Variants in PLCXD3 observed in about 807,000 individuals in gnomAD.
PLCXD3 encodes the protein PI-PLC X domain-containing protein 3.
In PLCXD3, 19 loss-of-function variants were observed where a neutral mutation model predicts 25.5. The observed-to-expected ratio is 0.75, with a 90% CI of 0.52 to 1.09. PLCXD3 has a LOEUF of 1.09. Ranked by LOEUF, PLCXD3 falls within the 50% of genes least tolerant of loss-of-function variation. PLCXD3 has a pLI of 0.00. For missense variants in PLCXD3, 411 were observed against 388.1 expected (o/e 1.06, Z -0.50); for synonymous variants, 174 against 137.6 (o/e 1.26, Z -1.85).
At chr5:41,315,486 G>A (rs1743264234) in intron 2 of PLCXD3, among the ~76,000 whole-genome samples, 3 of 151,818 alleles carry the variant, frequency 2.0e-5, no homozygotes, top group African/African-American at 7.2e-5. Context: ...TGAGCAAGAT[G>A]GTGGAACAGA....
At chr5:41,386,549 A>G (rs918587048) in intron 1 of PLCXD3, among the ~76,000 whole-genome samples, 3 of 152,198 alleles carry the variant, frequency 2.0e-5, no homozygotes, top group East Asian at 3.9e-4. Flanking sequence ...GTCACATTAT[A>G]TAGAAATGAG....
rs1452219101 is a variant in PLCXD3 at position 41,368,062 on chromosome 5, T to C, written c.812+13764A>G. On this transcript the variant is annotated intron_variant, in intron 2 of 2. Coordinates refer to ENST00000377801, the MANE Select transcript of PLCXD3 (RefSeq NM_001005473.3). ...AAATTGCTTTGGGCAGTATGGCCAT[T>C]TTCACAATTTTGATTCTTTATATCC... Among the ~76,000 whole-genome samples the C allele has an allele frequency of 3.9e-5, 6 of 152,190 alleles. No individual in the cohort carries two copies. In the East Asian group the frequency reaches 1.2e-3, roughly 29 times the overall value.
At chr5:41,386,348 G>A (rs929867967) in intron 1 of PLCXD3, among the ~76,000 whole-genome samples, 3 of 152,022 alleles carry the variant, frequency 2.0e-5, no homozygotes, top group African/African-American at 7.2e-5. Context: ...ATGGCACATA[G>A]CATCAATTTT....
At chr5:41,352,068 C>A (rs1744478533) in intron 2 of PLCXD3, among the ~76,000 whole-genome samples, 5 of 152,194 alleles carry the variant, frequency 3.3e-5, no homozygotes, top group Admixed American at 3.3e-4. Flanking sequence ...GCTAACAAGG[C>A]CAGACCTTAT....
intron 2 of PLCXD3, among the ~76,000 whole-genome samples, chr5:41,379,990 C>A (rs1015864673): frequency 3.9e-5 from 6 of 152,006 alleles, no homozygotes; most frequent in Non-Finnish European, 7.4e-5. Context: ...GGCTAATGGA[C>A]CATTCTGAGT....
rs1743069719 is a variant in PLCXD3 at position 41,309,269 on chromosome 5, T to A, written c.*4348A>T. The stretch of plus-strand genomic sequence containing the variant: ...TGTTTTACAAATTCTACAGAACACT[T>A]TATCATTATCATTGGGAAAACAAAC... On this transcript the variant is annotated 3_prime_UTR_variant, in exon 3 of 3. Coordinates refer to ENST00000377801, the MANE Select transcript of PLCXD3 (RefSeq NM_001005473.3). 6.6e-6 allele frequency: 1 copy of A among 152,584 alleles called. No individual in the cohort carries two copies. The highest frequency in any genetic ancestry group is 2.4e-5 in the African/African-American group (1 of 41,442). 9.5% of individuals were successfully genotyped at this position (152,584 alleles called of 1,614,324 possible).
Position 41,382,307 on chromosome 5 carries a change from A to G in PLCXD3, c.331T>C (p.Tyr111His). Reference sequence around the variant, plus strand: ...GCACTGAACAAACCATGAGCAAAATAGAGTTCATTGTCGGGGTCTCTGGGC... The same window carrying G: ...GCACTGAACAAACCATGAGCAAAATGGAGTTCATTGTCGGGGTCTCTGGGC... ...TKPRDPDNEL[Y>H]FAHGLFSAKV... The change falls in exon 2 of 3, where the codon TAT becomes CAT. Residue 111 changes from tyrosine to histidine, a missense_variant. Physicochemically the swap from Tyr to His is moderately conservative, Grantham distance 83. Transcript: ENST00000377801. The G allele has an allele frequency of 6.2e-7, 1 of 1,613,628 alleles. No homozygotes were observed. The highest frequency in any genetic ancestry group is 8.5e-7 in the Non-Finnish European group (1 of 1,179,742).
At chr5:41,441,383 A>C (rs956925365) in intron 1 of PLCXD3, among the ~76,000 whole-genome samples, 2 of 152,196 alleles carry the variant, frequency 1.3e-5, no homozygotes, top group African/African-American at 2.4e-5. Flanking sequence ...TTTGCATGGA[A>C]AAGAAGAAAT....
intron 1 of PLCXD3, among the ~76,000 whole-genome samples, chr5:41,467,615 A>C (rs1019947605): frequency 2.0e-5 from 3 of 152,106 alleles, no homozygotes; most frequent in African/African-American, 7.2e-5. Context: ...TCATATTTAA[A>C]AAGAAAAAAG....
intron 2 of PLCXD3, among the ~76,000 whole-genome samples, chr5:41,316,393 C>G (rs1743293189): frequency 6.6e-6 from 1 of 152,192 alleles, no homozygotes; most frequent in African/African-American, 2.4e-5. Flanking sequence ...GGGTGAACCT[C>G]TGAGGCTTGC....
intron 1 of PLCXD3, among the ~76,000 whole-genome samples, chr5:41,506,977 T>A (rs901595940): frequency 3.9e-5 from 6 of 152,200 alleles, no homozygotes; most frequent in Non-Finnish European, 8.8e-5. Flanking sequence ...TTTTACATAT[T>A]AGAGAATGCA....
rs73079732 is a variant in PLCXD3 at position 41,441,517 on chromosome 5, C to T, written c.104-58983G>A. ...TGGGAAAGCTTCTCTAAACAGTCTC[C>T]TGAAGAAACCTCCCTCCAGGAGGGA... is the stretch of plus-strand genomic sequence containing the variant. On this transcript the variant is annotated intron_variant, in intron 1 of 2. Coordinates refer to ENST00000377801, the MANE Select transcript of PLCXD3 (RefSeq NM_001005473.3). Among the ~76,000 whole-genome samples the T allele has an allele frequency of 7.0e-3, 1,061 of 152,272 alleles. 11 individuals carry two copies. The highest frequency in any genetic ancestry group is 0.024 in the African/African-American group (1,011 of 41,546).
intron 2 of PLCXD3, among the ~76,000 whole-genome samples, chr5:41,323,800 A>G (rs984488597): frequency 6.6e-6 from 1 of 152,196 alleles, no homozygotes. Flanking sequence ...GAAGGAGAGG[A>G]AGAAAGGGAC....
intron 1 of PLCXD3, among the ~76,000 whole-genome samples, chr5:41,506,031 AT>A (rs1749046481): frequency 6.6e-6 from 1 of 152,264 alleles, no homozygotes; most frequent in South Asian, 2.1e-4. Flanking sequence ...AAATGTGTAT[AT>A]AAATCATCTA....
At chr5:41,341,279 A>T (rs1744140578) in intron 2 of PLCXD3, among the ~76,000 whole-genome samples, 1 of 152,196 alleles carries the variant, frequency 6.6e-6, no homozygotes, top group Admixed American at 6.5e-5. Context: ...TAATGTCCAG[A>T]GTGGACAGCT....
At chr5:41,506,138 TG>T (rs1402667763) in intron 1 of PLCXD3, among the ~76,000 whole-genome samples, 1 of 152,188 alleles carries the variant, frequency 6.6e-6, no homozygotes, top group Non-Finnish European at 1.5e-5. Context: ...ACATGTATGC[TG>T]ATGATGTTGG....
chr5:41,377,609 A>G (rs1351103766), intron 2 of PLCXD3, among the ~76,000 whole-genome samples: 1 of 152,072 alleles, frequency 6.6e-6, no homozygotes, highest in Non-Finnish European at 1.5e-5. Flanking sequence ...GTCTTTAAGA[A>G]ATAAAAATCT....
chr5:41,500,181 T>C (rs1308294632), intron 1 of PLCXD3, among the ~76,000 whole-genome samples: 1 of 151,814 alleles, frequency 6.6e-6, no homozygotes, highest in African/African-American at 2.4e-5. Flanking sequence ...TGCCCAACAA[T>C]AGATGATTGG....
At chr5:41,428,373 A>AT (rs1202464288) in intron 1 of PLCXD3, among the ~76,000 whole-genome samples, 6 of 106,884 alleles carry the variant, frequency 5.6e-5, no homozygotes, top group Non-Finnish European at 1.0e-4. Context: ...AGTTAAAATG[A>AT]GTTTTTTTGT....
Sources: allele counts gnomAD v4.1 joint callset (sites outside exome capture counted in the v4.1 genomes callset), GRCh38; gene constraint gnomAD v4.1.1; transcripts MANE v1.5; gene names NCBI Gene and HGNC (gene_info 2026-07-23, HGNC 2026-07-21).